CDKL3: variants seen among roughly 807,000 people sequenced by gnomAD.
CDKL3 encodes cyclin dependent kinase like 3.
Under a neutral mutation model 69.3 loss-of-function variants are expected in CDKL3, and 65 were observed. The ratio of observed to expected loss-of-function variants is 0.94; its 90% CI spans 0.77 to 1.15. The LOEUF is 1.15. Among genes scored for constraint, CDKL3 ranks in the 50% most tolerant of loss-of-function variants. The probability of loss-of-function intolerance (pLI) is 0.00; values close to 1 mark genes in which losing one functional copy is unlikely to be tolerated. For synonymous variants in CDKL3, 202 were observed against 221.6 expected, an observed-to-expected ratio of 0.91 and a Z score of 0.79; for missense variants, 652 against 689.2, an observed-to-expected ratio of 0.95 and a Z score of 0.61.
intron 4 of CDKL3, among the ~76,000 whole-genome samples, chr5:134,326,839 A>ATGTGTG (rs1280257790): frequency 1.9e-5 from 2 of 104,894 alleles, no homozygotes; most frequent in South Asian, 2.8e-4. Context: ...ATATATATAT[A>ATGTGTG]TATATATATA....
At chr5:134,303,601 T>C (rs2149425460) in intron 11 of CDKL3, among the ~76,000 whole-genome samples, 1 of 152,104 alleles carries the variant, frequency 6.6e-6, no homozygotes, top group East Asian at 1.9e-4. Context: ...CCCAGCACTT[T>C]GGGAGGTTGA....
At chr5:134,322,650 G>A (rs114826544) in intron 4 of CDKL3, among the ~76,000 whole-genome samples, 2,700 of 152,160 alleles carry the variant, frequency 0.018, 94 homozygotes, top group African/African-American at 0.062. Flanking sequence ...GAAAATTTTT[G>A]TACAACCCCA....
chr5:134,345,905 CAGGCTT>C (rs1386884395), intron 4 of CDKL3, among the ~76,000 whole-genome samples: 1 of 152,118 alleles, frequency 6.6e-6, no homozygotes, highest in Non-Finnish European at 1.5e-5. Context: ...CAATTGTGTC[CAGGCTT>C]AGACTATGAT....
In CDKL3 at chr5:134,304,524, C is replaced by G; in HGVS notation, c.1502G>C (p.Ser501Thr). 2 of 1,612,460 alleles carry G rather than the reference C, an allele frequency of 1.2e-6. No individual in the cohort carries two copies. Among genetic ancestry groups the G allele is most frequent in the Middle Eastern group, 3.3e-4 (2 of 6,060 alleles). Residue 501 changes from serine (S) to threonine (T), a missense_variant, in exon 11 of 13, where the codon AGT becomes ACT. By Grantham distance (58) the Ser-to-Thr change is moderately conservative. Coordinates refer to ENST00000265334, the MANE Select transcript of CDKL3 (RefSeq NM_001113575.2). ...TTTGTTCTCATTTGCCATTTGGTCACTGTGACCTGTTCGCTCATTAAATAT... is the reference window on the plus strand; with the variant it reads ...TTTGTTCTCATTTGCCATTTGGTCAGTGTGACCTGTTCGCTCATTAAATAT... ...KGIFNERTGH[S>T]DQMANENKRK...
At chr5:134,349,880 C>T (rs1365369935) in intron 4 of CDKL3, among the ~76,000 whole-genome samples, 1 of 152,024 alleles carries the variant, frequency 6.6e-6, no homozygotes, top group African/African-American at 2.4e-5. Context: ...CAAGCACATA[C>T]CAAGGGATAA....
intron 3 of CDKL3, among the ~76,000 whole-genome samples, chr5:134,351,139 C>T (rs1434096149): frequency 6.6e-6 from 1 of 152,204 alleles, no homozygotes; most frequent in Non-Finnish European, 1.5e-5. Flanking sequence ...TAAAAAAATG[C>T]CAACTATTCC....
chr5:134,326,817 GTATATATATATATATATATATATA>G (rs1164800558), intron 4 of CDKL3, among the ~76,000 whole-genome samples: 63 of 120,464 alleles, frequency 5.2e-4, no homozygotes, highest in African/African-American at 2.1e-3. Flanking sequence ...ATATGTGTGT[GTATATATATATATATATATATATA>G]TATATATATA....
chr5:134,330,121 T>TA (rs1300829853), intron 4 of CDKL3, among the ~76,000 whole-genome samples: 8 of 152,184 alleles, frequency 5.3e-5, no homozygotes, highest in African/African-American at 1.9e-4. Context: ...TAAGCAGTGA[T>TA]ACAAGCCATT....
Position 134,312,280 on chromosome 5 carries a change from C to A in CDKL3, c.881+12G>T. The A allele has an allele frequency of 2.6e-6, 4 of 1,513,110 alleles. No individual in the cohort carries two copies. In the South Asian group the frequency reaches 4.9e-5, roughly 18 times the overall value. The allele number at this position is 1,513,110 out of a possible 1,614,324, so 93.7% of individuals were successfully genotyped here. Reference sequence around the variant, plus strand: ...TGCTTTTAAAAAACCCACATTCACTCAAAATGCTTACTTTTCAATAAATCC... The same window carrying A: ...TGCTTTTAAAAAACCCACATTCACTAAAAATGCTTACTTTTCAATAAATCC... On this transcript the variant is annotated intron_variant, in intron 7 of 12. Transcript: ENST00000265334.
At chr5:134,311,505 C>CAA (rs111630635) in intron 7 of CDKL3, among the ~76,000 whole-genome samples, 56 of 132,816 alleles carry the variant, frequency 4.2e-4, no homozygotes, top group African/African-American at 1.5e-3. Context: ...GACTTCATCT[C>CAA]AAAAAAAAAA....
chr5:134,366,364 G>T lies in CDKL3; in HGVS notation c.160C>A (p.Leu54Ile). The T allele has an allele frequency of 6.4e-7, 1 of 1,559,122 alleles. No homozygotes were observed. Among genetic ancestry groups the T allele is most frequent in the Non-Finnish European group, 8.6e-7 (1 of 1,157,618 alleles). Residue 54 changes from leucine (L) to isoleucine (I), a missense_variant, in exon 2 of 13, where the codon CTA becomes ATA. By Grantham distance (5) the Leu-to-Ile change is conservative. Transcript: ENST00000265334. ...NKIAMREIKF[L>I]KQFHHENLVN... ...TTAAGGCAAAAGAAGCAAACCTTTA[G>T]AAACTTTATTTCTCTCATCGCAATT... is the stretch of plus-strand genomic sequence containing the variant.
intron 4 of CDKL3, among the ~76,000 whole-genome samples, chr5:134,349,952 C>T (rs1347711936): frequency 6.6e-6 from 1 of 152,104 alleles, no homozygotes; most frequent in Admixed American, 6.6e-5. Flanking sequence ...CTTTGGGAGG[C>T]CGAGGCAGGT....
chr5:134,298,405 T>A (rs1304740434), downstream of CDKL3: 7 of 1,285,224 alleles, frequency 5.4e-6, no homozygotes, highest in Admixed American at 2.6e-4. Context: ...CACTCAGTAA[T>A]CATGGCAAAA....
Position 134,359,988 on chromosome 5 carries a change from A to G in CDKL3, c.269T>C (p.Leu90Ser), listed in dbSNP as rs1755622718. 5 of 1,570,972 alleles carry G rather than the reference A, an allele frequency of 3.2e-6. No homozygotes were observed. In the African/African-American group the frequency reaches 5.4e-5, roughly 17 times the overall value. The change falls in exon 3 of 13, where the codon TTA becomes TCA. Residue 90 changes from leucine to serine, a missense_variant. Physicochemically the swap from Leu to Ser is moderately radical, Grantham distance 145. Coordinates refer to ENST00000265334, the MANE Select transcript of CDKL3 (RefSeq NM_001113575.2). ...EFIDHTVLDELQHYCHGLESK... is the reference protein window; with the variant it reads ...EFIDHTVLDESQHYCHGLESK... ...CTCTAGTCCATGACAATAATGTTGT[A>G]ACTCATCTAATACTGTGTGGTCAAT...
chr5:134,321,811 T>C lies in CDKL3; in HGVS notation c.632A>G (p.His211Arg). The C allele has an allele frequency of 6.2e-7, 1 of 1,600,364 alleles. No individual in the cohort carries two copies. Among genetic ancestry groups the C allele is most frequent in the Non-Finnish European group, 8.6e-7 (1 of 1,169,062 alleles). The change falls in exon 5 of 13, where the codon CAT becomes CGT. Residue 211 changes from histidine to arginine, a missense_variant. Coordinates refer to ENST00000265334, the MANE Select transcript of CDKL3 (RefSeq NM_001113575.2). The part of the protein sequence containing the change: ...LPSSSDLDLL[H>R]KIVLKVGNLS... ...CCTACCCACTTTCAAAACAATTTTA[T>C]GGAGTAAATCCAAATCAGAACTACT...
intron 1 of CDKL3, 128 bp from the exon 2 acceptor site, chr5:134,366,672 A>G: frequency 2.8e-6 from 2 of 707,250 alleles, no homozygotes; most frequent in Non-Finnish European, 4.3e-6. Context: ...AAAAAAAAGG[A>G]ATCTTTTCCA....
intron 12 of CDKL3, 29 bp downstream of exon 12, chr5:134,302,561 T>C: frequency 3.6e-6 from 4 of 1,120,418 alleles, no homozygotes; most frequent in Non-Finnish European, 5.3e-6. Flanking sequence ...CAACATGCCT[T>C]AGTAAAAGCT....
At chr5:134,342,614 AAAAG>A in intron 4 of CDKL3, among the ~76,000 whole-genome samples, 1 of 152,184 alleles carries the variant, frequency 6.6e-6, no homozygotes, top group South Asian at 2.1e-4. Context: ...AAAAAAAAGA[AAAAG>A]AAAAAGAAAA....
intron 4 of CDKL3, among the ~76,000 whole-genome samples, chr5:134,334,889 A>T (rs917908972): frequency 1.3e-5 from 2 of 151,988 alleles, no homozygotes; most frequent in African/African-American, 4.8e-5. Context: ...TGTCTTGTTG[A>T]TCTGTCTGAT....
Sources: allele counts gnomAD v4.1 joint callset (sites outside exome capture counted in the v4.1 genomes callset), GRCh38; gene constraint gnomAD v4.1.1; transcripts MANE v1.5; gene names NCBI Gene and HGNC (gene_info 2026-07-23, HGNC 2026-07-21).